SLC25A16: variants seen among roughly 807,000 people sequenced by gnomAD.
SLC25A16 encodes mitochondrial coenzyme A transporter SLC25A16.
SLC25A16 carries 39 observed loss-of-function variants against 41.5 expected under a neutral mutation model. The ratio of observed to expected loss-of-function variants is 0.94; its 90% CI spans 0.73 to 1.23. SLC25A16 has a LOEUF of 1.23. Ranked by LOEUF, SLC25A16 falls within the 50% of genes most tolerant of loss-of-function variation. The pLI is 0.00. For missense variants in SLC25A16, 421 were observed against 426.9 expected (o/e 0.99, Z 0.12); for synonymous variants, 146 against 147.8 (o/e 0.99, Z 0.09).
At position 68,508,688 on chromosome 10, in the gene SLC25A16, A is replaced by C. The variant is rs550066544; in HGVS notation, c.224-1970T>G. Among the ~76,000 whole-genome samples, 595 of 152,190 alleles carry C rather than the reference A, an allele frequency of 3.9e-3. 7 individuals carry two copies. Among genetic ancestry groups the C allele is most frequent in the African/African-American group, 0.014 (574 of 41,534 alleles). ...AGCCGAGATTGTGCCATTGTACTCCAGCTTGGGCAACAAGAGGGAAACTCC... is the reference window on the plus strand; with the variant it reads ...AGCCGAGATTGTGCCATTGTACTCCCGCTTGGGCAACAAGAGGGAAACTCC... On this transcript the variant is annotated intron_variant, in intron 2 of 8. Transcript: ENST00000609923.
intron 1 of SLC25A16, among the ~76,000 whole-genome samples, chr10:68,526,658 G>A (rs2053342968): frequency 6.6e-6 from 1 of 152,314 alleles, no homozygotes; most frequent in South Asian, 2.1e-4. Flanking sequence ...AGTAATTAAG[G>A]AAGGGTGGAG....
intron 2 of SLC25A16, among the ~76,000 whole-genome samples, chr10:68,515,745 C>G (rs2053151398): frequency 6.6e-6 from 1 of 152,108 alleles, no homozygotes; most frequent in African/African-American, 2.4e-5. Flanking sequence ...TTGCAGTGAG[C>G]CGAGGTCGCG....
At chr10:68,524,707 CAAAA>C (rs1182825187) in intron 1 of SLC25A16, among the ~76,000 whole-genome samples, 6 of 68,504 alleles carry the variant, frequency 8.8e-5, no homozygotes, top group African/African-American at 2.2e-4. Flanking sequence ...GACTCCATCT[CAAAA>C]AAAAAAAAAA....
rs549473002 is a variant in SLC25A16 at position 68,498,363 on chromosome 10, G to A, written c.422-4793C>T. ...TGAGACAGAGTCTCATTCTGTCACCGTGCCCGGCCCTAGAATTCCCTTTTA... is the reference window on the plus strand; with the variant it reads ...TGAGACAGAGTCTCATTCTGTCACCATGCCCGGCCCTAGAATTCCCTTTTA... On this transcript the variant is annotated intron_variant, in intron 4 of 8. Coordinates refer to ENST00000609923, the MANE Select transcript of SLC25A16 (RefSeq NM_152707.4). Among the ~76,000 whole-genome samples the A allele has an allele frequency of 1.6e-4, 22 of 137,112 alleles. No individual in the cohort carries two copies. In the South Asian group the frequency reaches 4.3e-3, roughly 27 times the overall value. 90.0% of individuals were successfully genotyped at this position (137,112 alleles called of 152,430 possible).
chr10:68,485,448 G>A (rs1393971356), intron 8 of SLC25A16, among the ~76,000 whole-genome samples: 21 of 151,884 alleles, frequency 1.4e-4, no homozygotes, highest in Non-Finnish European at 3.1e-4. Context: ...GCAGTGGCAT[G>A]ATCTTGGCTA....
intron 2 of SLC25A16, among the ~76,000 whole-genome samples, chr10:68,516,063 A>G (rs1240757904): frequency 1.3e-5 from 2 of 152,136 alleles, no homozygotes; most frequent in African/African-American, 4.8e-5. Context: ...GAAAAAACAA[A>G]TAACAAATTT....
intron 4 of SLC25A16, among the ~76,000 whole-genome samples, chr10:68,498,671 G>A (rs548814486): frequency 6.6e-6 from 1 of 152,146 alleles, no homozygotes; most frequent in South Asian, 2.1e-4. Context: ...CTCCAGCCTG[G>A]GCAACAGAGC....
At chr10:68,509,731 CTATATA>C (rs1184144089) in intron 2 of SLC25A16, among the ~76,000 whole-genome samples, 3 of 136,926 alleles carry the variant, frequency 2.2e-5, no homozygotes, top group African/African-American at 5.8e-5. Context: ...ATCTATCTAT[CTATATA>C]TATATCTATA....
At chr10:68,487,308 GT>G in intron 7 of SLC25A16, 96 bp from the exon 8 acceptor site, 1 of 847,142 alleles carries the variant, frequency 1.2e-6, no homozygotes, top group Non-Finnish European at 2.0e-6. Flanking sequence ...GAAATAACGT[GT>G]TACTGCTCTT....
intron 6 of SLC25A16, among the ~76,000 whole-genome samples, chr10:68,489,886 CGA>C (rs1175134636): frequency 1.5e-5 from 2 of 134,400 alleles, no homozygotes; most frequent in African/African-American, 5.8e-5. Flanking sequence ...GGCAACAGAG[CGA>C]GACTCTGTCT....
At chr10:68,519,187 C>A (rs775467863) in intron 1 of SLC25A16, among the ~76,000 whole-genome samples, 1 of 148,584 alleles carries the variant, frequency 6.7e-6, no homozygotes, top group Non-Finnish European at 1.5e-5. Context: ...AATGAAACTC[C>A]GTCTCAAAAA....
intron 1 of SLC25A16, among the ~76,000 whole-genome samples, chr10:68,520,998 G>A (rs894378649): frequency 6.6e-6 from 1 of 151,600 alleles, no homozygotes; most frequent in African/African-American, 2.4e-5. Flanking sequence ...AGCCGGCATG[G>A]TGGCACGTGC....
chr10:68,516,889 T>C, intron 1 of SLC25A16, 46 bp from the exon 2 acceptor site: 1 of 1,423,888 alleles, frequency 7.0e-7, no homozygotes, highest in South Asian at 1.2e-5. Flanking sequence ...TACCATTTCT[T>C]TCCAGATGGA....
chr10:68,522,038 CTG>C (rs2053259160), intron 1 of SLC25A16, among the ~76,000 whole-genome samples: 1 of 151,958 alleles, frequency 6.6e-6, no homozygotes, highest in Non-Finnish European at 1.5e-5. Flanking sequence ...CGCACACCAC[CTG>C]TAGTCCCAGC....
chr10:68,506,787 CAG>C, intron 2 of SLC25A16, 69 bp from the exon 3 acceptor site: 3 of 1,014,308 alleles, frequency 3.0e-6, no homozygotes, highest in Non-Finnish European at 1.4e-6. Flanking sequence ...ATGACAATCA[CAG>C]ATAAAGATTA....
In SLC25A16 at chr10:68,527,486, A is replaced by G; in HGVS notation, c.-111T>C. ...GCTGACCGCCCCGCCGGCGGGGCAA[A>G]GTAACACCCGGCGGCGCGGCGCCGG... On this transcript the variant is annotated 5_prime_UTR_variant, in exon 1 of 9. Coordinates refer to ENST00000609923, the MANE Select transcript of SLC25A16 (RefSeq NM_152707.4). 1.8e-6 allele frequency: 2 copies of G among 1,092,652 alleles called. No homozygotes were observed. Among genetic ancestry groups the G allele is most frequent in the East Asian group, 3.1e-5 (1 of 32,194 alleles). 67.7% of individuals were successfully genotyped at this position (1,092,652 alleles called of 1,614,324 possible).
At chr10:68,527,098 G>A (rs2053349122) in intron 1 of SLC25A16, 148 bp downstream of exon 1, 1 of 777,540 alleles carries the variant, frequency 1.3e-6, no homozygotes, top group African/African-American at 1.9e-5. Flanking sequence ...TTACTAGAAA[G>A]AGGTTACAGC....
intron 4 of SLC25A16, chr10:68,499,831 C>A: frequency 2.0e-6 from 1 of 489,146 alleles, no homozygotes; most frequent in Non-Finnish European, 3.9e-6. Flanking sequence ...TAGACATTCA[C>A]CACAGCAAGT....
chr10:68,506,167 T>C (rs912480245), intron 3 of SLC25A16, among the ~76,000 whole-genome samples: 6 of 152,216 alleles, frequency 3.9e-5, no homozygotes, highest in Non-Finnish European at 8.8e-5. Context: ...AAGGCATTGC[T>C]ATATCAAAAG....
Sources: gnomAD v4.1 joint callset for allele counts (sites outside exome capture counted in the v4.1 genomes callset) on GRCh38, gnomAD v4.1.1 for gene constraint, MANE v1.5 for transcripts, NCBI Gene and HGNC (gene_info 2026-07-23, HGNC 2026-07-21) for gene names.